The following PCP4L1 variants were observed in gnomAD, a reference collection of about 807,000 sequenced individuals.
The protein encoded by PCP4L1 is Purkinje cell protein 4 like 1, also known as Purkinje cell protein 4-like protein 1.
In PCP4L1, 9 loss-of-function variants were observed where a neutral mutation model predicts 9.6. The ratio of observed to expected loss-of-function variants is 0.94; its 90% CI spans 0.57 to 1.64. PCP4L1 has a LOEUF of 1.64. PCP4L1 is among the 40% of genes most tolerant of loss of function. PCP4L1 has a pLI of 0.00. For synonymous variants in PCP4L1, 31 were observed against 28.2 expected (o/e 1.10, Z -0.31); for missense variants, 81 against 80.8 (o/e 1.00, Z -0.01).
intron 1 of PCP4L1, 83 bp downstream of exon 1, chr1:161,259,066 G>A (rs1431302715): frequency 6.7e-7 from 1 of 1,502,072 alleles, no homozygotes. Context: ...AGGCGAGGGA[G>A]AGCGAGGCAG....
chr1:161,272,995 C>T (rs1669647053), intron 1 of PCP4L1, among the ~76,000 whole-genome samples: 2 of 152,146 alleles, frequency 1.3e-5, no homozygotes, highest in South Asian at 4.1e-4. Context: ...ATGTCATGTT[C>T]CTCTCTGCAA....
intron 1 of PCP4L1, among the ~76,000 whole-genome samples, chr1:161,262,144 C>G (rs1021735085): frequency 1.3e-5 from 2 of 152,036 alleles, no homozygotes; most frequent in Non-Finnish European, 2.9e-5. Context: ...TATTGAAATG[C>G]CTTCTACCGG....
At chr1:161,260,809 G>T (rs777436424) in intron 1 of PCP4L1, among the ~76,000 whole-genome samples, 5 of 152,332 alleles carry the variant, frequency 3.3e-5, no homozygotes, top group East Asian at 3.9e-4. Flanking sequence ...GACTATCAGT[G>T]TACCCAAGTC....
intron 1 of PCP4L1, among the ~76,000 whole-genome samples, chr1:161,273,893 CT>C (rs762497303): frequency 2.6e-5 from 4 of 152,178 alleles, no homozygotes; most frequent in Non-Finnish European, 5.9e-5. Flanking sequence ...CACATACATA[CT>C]CATACATCCC....
intron 1 of PCP4L1, among the ~76,000 whole-genome samples, chr1:161,282,466 G>A (rs1669840070): frequency 1.3e-5 from 2 of 151,840 alleles, no homozygotes; most frequent in Non-Finnish European, 2.9e-5. Context: ...TCTAATCACT[G>A]GGATACCTCA....
chr1:161,272,132 T>C (rs543942003), intron 1 of PCP4L1, among the ~76,000 whole-genome samples: 5 of 151,958 alleles, frequency 3.3e-5, no homozygotes, highest in African/African-American at 9.6e-5. Context: ...TGGGGGTACA[T>C]AGTGAGTGAT....
intron 1 of PCP4L1, among the ~76,000 whole-genome samples, chr1:161,277,640 T>G (rs561511834): frequency 3.5e-4 from 53 of 152,344 alleles, no homozygotes; most frequent in African/African-American, 1.2e-3. Context: ...ACCCCCAATG[T>G]GCCCTTTGTG....
At chr1:161,275,447 C>G (rs535722989) in intron 1 of PCP4L1, among the ~76,000 whole-genome samples, 4 of 145,334 alleles carry the variant, frequency 2.8e-5, no homozygotes, top group Admixed American at 7.2e-5. Flanking sequence ...ACCCAGGAGG[C>G]AGAGCTTGCA....
At chr1:161,284,082 A>G (rs1485013095) in intron 2 of PCP4L1, among the ~76,000 whole-genome samples, 1 of 152,204 alleles carries the variant, frequency 6.6e-6, no homozygotes, top group Non-Finnish European at 1.5e-5. Flanking sequence ...GGATTTATGA[A>G]TAAGTGATGA....
intron 1 of PCP4L1, among the ~76,000 whole-genome samples, chr1:161,275,481 A>C (rs1268109003): frequency 7.0e-6 from 1 of 143,024 alleles, no homozygotes; most frequent in Non-Finnish European, 1.5e-5. Context: ...GCGCCACTGC[A>C]CTCTAGTCTG....
chr1:161,283,105 A>G (rs1669850861), intron 1 of PCP4L1, among the ~76,000 whole-genome samples: 8 of 152,040 alleles, frequency 5.3e-5, no homozygotes, highest in Admixed American at 3.9e-4. Context: ...TCTCATCTCC[A>G]TTAATCTTTC....
chr1:161,264,540 G>A (rs948605953), intron 1 of PCP4L1, among the ~76,000 whole-genome samples: 10 of 151,728 alleles, frequency 6.6e-5, no homozygotes, highest in Admixed American at 1.3e-4. Flanking sequence ...AGAAATATAA[G>A]CAATGTAGCT....
At position 161,279,684 on chromosome 1, in the gene PCP4L1, A is replaced by C. The variant is rs138673445; in HGVS notation, c.10-3984A>C. Reference sequence around the variant, plus strand: ...AAGCACCCAGTTTTTGTATTTTGTTAAATATAAAGTACTTAAAATTGTGAG... The same window carrying C: ...AAGCACCCAGTTTTTGTATTTTGTTCAATATAAAGTACTTAAAATTGTGAG... On this transcript the variant is annotated intron_variant, in intron 1 of 2. Transcript: ENST00000504449. 5.2e-3 allele frequency among the ~76,000 whole-genome samples: 792 copies of C among 152,334 alleles called. 4 individuals carry two copies. Among genetic ancestry groups the C allele is most frequent in the Non-Finnish European group, 7.1e-3 (484 of 68,028 alleles).
intron 1 of PCP4L1, among the ~76,000 whole-genome samples, chr1:161,275,207 G>A (rs1259794794): frequency 6.6e-6 from 1 of 152,176 alleles, no homozygotes; most frequent in African/African-American, 2.4e-5. Flanking sequence ...AGCCACCTGA[G>A]GGAAGATATT....
chr1:161,283,212 AT>A (rs755996575), intron 1 of PCP4L1, among the ~76,000 whole-genome samples: 1 of 152,168 alleles, frequency 6.6e-6, no homozygotes, highest in Middle Eastern at 3.2e-3. Context: ...CCTGCCAGAT[AT>A]CTATGAGCCT....
At chr1:161,268,404 G>C (rs1201834096) in intron 1 of PCP4L1, among the ~76,000 whole-genome samples, 1 of 152,102 alleles carries the variant, frequency 6.6e-6, no homozygotes, top group Admixed American at 6.5e-5. Flanking sequence ...TCTGATTCTA[G>C]TATTTTAACC....
At chr1:161,259,029 A>C (rs1019466444) in intron 1 of PCP4L1, 46 bp downstream of exon 1, 1 of 1,521,432 alleles carries the variant, frequency 6.6e-7, no homozygotes, top group African/African-American at 1.4e-5. Flanking sequence ...TGCGGCGGGG[A>C]GGGTGCTGCG....
At chr1:161,266,479 G>T (rs555678575) in intron 1 of PCP4L1, among the ~76,000 whole-genome samples, 5 of 152,280 alleles carry the variant, frequency 3.3e-5, no homozygotes, top group African/African-American at 1.2e-4. Flanking sequence ...AGCCCATGCT[G>T]GGGGGAACAG....
intron 1 of PCP4L1, among the ~76,000 whole-genome samples, chr1:161,274,005 G>C (rs922543647): frequency 6.6e-6 from 1 of 152,136 alleles, no homozygotes. Context: ...TTTGTGGTTT[G>C]TTTGTTCTAT....
Sources: allele counts gnomAD v4.1 joint callset (sites outside exome capture counted in the v4.1 genomes callset), GRCh38; gene constraint gnomAD v4.1.1; transcripts MANE v1.5; gene names NCBI Gene and HGNC (gene_info 2026-07-23, HGNC 2026-07-21).